BANP: variants seen among roughly 807,000 people sequenced by gnomAD.
BANP encodes the protein BTG3 associated nuclear protein, also known as protein BANP.
BANP carries 11 observed loss-of-function variants against 68.1 expected under a neutral mutation model. The ratio of observed to expected loss-of-function variants is 0.16; its 90% CI spans 0.10 to 0.27. The LOEUF is 0.27. Ranked by LOEUF, BANP falls within the 10% of genes least tolerant of loss-of-function variation. The pLI is 1.00. For synonymous variants in BANP, 329 were observed against 303.2 expected (o/e 1.09, Z -0.88); for missense variants, 504 against 722.7 (o/e 0.70, Z 3.47).
intron 1 of BANP, among the ~76,000 whole-genome samples, chr16:87,968,339 C>G (rs568045262): frequency 6.6e-6 from 1 of 151,832 alleles, no homozygotes; most frequent in Non-Finnish European, 1.5e-5. Context: ...ACAAAATTAG[C>G]CGGGCATGGT....
chr16:87,981,122 A>G lies in BANP; in HGVS notation c.157A>G (p.Ile53Val), dbSNP rs535639450. ...AGAAATCAATTGCCAGGATCCATCTATAAAGGTAAAAATCTGACTCTGTTC... is the reference window on the plus strand; with the variant it reads ...AGAAATCAATTGCCAGGATCCATCTGTAAAGGTAAAAATCTGACTCTGTTC... Reference protein sequence around the residue: ...RLEINCQDPSIKSFLYSINQT... With the variant: ...RLEINCQDPSVKSFLYSINQT... The change falls in exon 3 of 14, where the codon ATA becomes GTA. Residue 53 changes from isoleucine (I) to valine (V), a missense_variant. By Grantham distance (29) the Ile-to-Val change is conservative. Around this residue, in one of 3 missense-constraint regions of BANP, gnomAD observed 238 missense variants for 278.9 expected, o/e 0.85. Transcript: ENST00000682872. 12 of 1,613,434 alleles carry G rather than the reference A, an allele frequency of 7.4e-6. No homozygotes were observed. The highest frequency in any genetic ancestry group is 1.0e-5 in the Non-Finnish European group (12 of 1,179,482).
chr16:87,994,775 T>G (rs2066748963), intron 4 of BANP, among the ~76,000 whole-genome samples: 1 of 152,040 alleles, frequency 6.6e-6, no homozygotes, highest in African/African-American at 2.4e-5. Flanking sequence ...TGTATAAAAA[T>G]AAAATAAAAT....
At chr16:88,073,326 TGTAG>T (rs1567951260) in intron 13 of BANP, among the ~76,000 whole-genome samples, 3 of 152,190 alleles carry the variant, frequency 2.0e-5, no homozygotes, top group Non-Finnish European at 2.9e-5. Context: ...ACCCGTGTCC[TGTAG>T]AAGGTCTGGC....
At chr16:87,956,087 C>T (rs1465950278) in intron 1 of BANP, among the ~76,000 whole-genome samples, 1 of 152,156 alleles carries the variant, frequency 6.6e-6, no homozygotes, top group Non-Finnish European at 1.5e-5. Flanking sequence ...GGTCTTGCAG[C>T]TCCCCCGTCA....
At chr16:88,055,123 C>CT (rs199560684) in intron 11 of BANP, among the ~76,000 whole-genome samples, 35 of 144,854 alleles carry the variant, frequency 2.4e-4, no homozygotes, top group Middle Eastern at 3.6e-3. Context: ...CTTTTTTGCC[C>CT]TTTTTTTTTT....
At chr16:88,016,429 G>C (rs904160943) in intron 6 of BANP, among the ~76,000 whole-genome samples, 18 of 152,178 alleles carry the variant, frequency 1.2e-4, no homozygotes, top group African/African-American at 4.1e-4. Context: ...GACCACTCCT[G>C]CCTTGGCTCA....
intron 11 of BANP, among the ~76,000 whole-genome samples, chr16:88,041,298 G>A (rs1057114124): frequency 2.0e-5 from 3 of 152,232 alleles, no homozygotes; most frequent in African/African-American, 7.2e-5. Context: ...TTGAGGCCAC[G>A]TCTGCAGCCA....
At chr16:88,040,386 A>G (rs1365880945) in intron 11 of BANP, among the ~76,000 whole-genome samples, 1 of 152,122 alleles carries the variant, frequency 6.6e-6, no homozygotes, top group Admixed American at 6.5e-5. Context: ...AGCACAGAGA[A>G]GCCCACTCGC....
rs2079309520 is a variant in BANP at position 88,036,192 on chromosome 16, G to T, written c.1272+798G>T. On this transcript the variant is annotated intron_variant, in intron 10 of 13. Transcript: ENST00000682872. The surrounding 1 kb of genome is among the most constrained non-coding windows in gnomAD (Gnocchi z 4.2). ...TACTCAGTGACCGTGGTGCGCTCTG[G>T]GGGATGAGGAACATGGCTGTTTCTA... is the stretch of plus-strand genomic sequence containing the variant. Among the ~76,000 whole-genome samples the T allele has an allele frequency of 6.6e-6, 1 of 152,212 alleles. No homozygotes were observed. Among genetic ancestry groups the T allele is most frequent in the African/African-American group, 2.4e-5 (1 of 41,440 alleles).
chr16:87,969,237 T>G (rs2060672536), intron 1 of BANP, among the ~76,000 whole-genome samples: 1 of 144,316 alleles, frequency 6.9e-6, no homozygotes, highest in Non-Finnish European at 1.5e-5. Flanking sequence ...TGTTTTGTTG[T>G]TGTTGTTGTT....
Position 88,003,216 on chromosome 16 carries a change from A to G in BANP, c.363-1079A>G, listed in dbSNP as rs1004146456. The stretch of plus-strand genomic sequence containing the variant: ...AACAAGTAGAGGAATTTAAAAAATA[A>G]TATTTTTGAATGAAATGGAGTTGAT... On this transcript the variant is annotated intron_variant, in intron 4 of 13. Coordinates refer to ENST00000682872, the MANE Select transcript of BANP (RefSeq NM_001386991.1). The surrounding 1 kb of genome is among the most constrained non-coding windows in gnomAD (Gnocchi z 6.1). 6.6e-6 allele frequency among the ~76,000 whole-genome samples: 1 copy of G among 152,238 alleles called. No homozygotes were observed. Among genetic ancestry groups the G allele is most frequent in the Non-Finnish European group, 1.5e-5 (1 of 68,036 alleles).
At chr16:88,020,686 C>G (rs7498444) in intron 7 of BANP, among the ~76,000 whole-genome samples, 1 of 152,126 alleles carries the variant, frequency 6.6e-6, no homozygotes, top group Non-Finnish European at 1.5e-5. Flanking sequence ...CAGTGGCATT[C>G]GGGGCTGGGC....
intron 11 of BANP, among the ~76,000 whole-genome samples, chr16:88,058,367 G>A (rs955458541): frequency 7.9e-5 from 12 of 152,182 alleles, no homozygotes; most frequent in Non-Finnish European, 1.5e-4. Context: ...AGGCGCCTTC[G>A]TCGACTGAGC....
intron 11 of BANP, among the ~76,000 whole-genome samples, chr16:88,042,673 T>C (rs1001105434): frequency 3.9e-5 from 6 of 152,150 alleles, no homozygotes; most frequent in Non-Finnish European, 8.8e-5. Context: ...TCCCAGTACT[T>C]TGGGGAGGCT....
chr16:87,974,423 G>T (rs1421407950), intron 1 of BANP, among the ~76,000 whole-genome samples: 1 of 152,212 alleles, frequency 6.6e-6, no homozygotes, highest in Admixed American at 6.5e-5. Context: ...TTCCTCCTTG[G>T]TCATGGTGGC....
intron 10 of BANP, among the ~76,000 whole-genome samples, chr16:88,035,729 T>C (rs1237259582): frequency 6.6e-6 from 1 of 152,242 alleles, no homozygotes; most frequent in African/African-American, 2.4e-5. Flanking sequence ...GCCCCCAGTG[T>C]GGCCGAGATG....
chr16:87,985,692 A>G (rs2064239541), intron 4 of BANP, among the ~76,000 whole-genome samples: 1 of 152,218 alleles, frequency 6.6e-6, no homozygotes. Flanking sequence ...GTTGGCTGTG[A>G]AAAAGCCGGA....
At chr16:87,978,085 C>G (rs1453853765) in intron 2 of BANP, among the ~76,000 whole-genome samples, 2 of 151,990 alleles carry the variant, frequency 1.3e-5, no homozygotes, top group East Asian at 3.8e-4. Flanking sequence ...ATCCACTCAC[C>G]TCGGCCTCCC....
intron 4 of BANP, among the ~76,000 whole-genome samples, chr16:87,994,448 C>T (rs1787347241): frequency 1.3e-5 from 2 of 152,206 alleles, no homozygotes; most frequent in African/African-American, 4.8e-5. Flanking sequence ...AAGCTAGAAG[C>T]TTCTTTCTTT....
Sources: allele counts gnomAD v4.1 joint callset (sites outside exome capture counted in the v4.1 genomes callset), GRCh38; gene constraint gnomAD v4.1.1; regional missense constraint gnomAD v4.1.1; non-coding constraint Gnocchi (gnomAD v3.1); transcripts MANE v1.5; gene names NCBI Gene and HGNC (gene_info 2026-07-23, HGNC 2026-07-21).